GSN: variants seen among roughly 807,000 people sequenced by gnomAD.
GSN encodes actin-depolymerizing factor.
GSN carries 56 observed loss-of-function variants against 85.7 expected under a neutral mutation model. The ratio of observed to expected loss-of-function variants is 0.65; its 90% CI spans 0.53 to 0.82. The LOEUF (loss-of-function observed/expected upper bound fraction) is 0.82, where lower values mean the gene tolerates loss of function less well. GSN is among the 40% of genes least tolerant of loss of function. The pLI, the probability that GSN is intolerant of heterozygous loss-of-function variation, is 0.00. For missense variants in GSN, 857 were observed against 979.8 expected (o/e 0.87, Z 1.67); for synonymous variants, 373 against 399.1 (o/e 0.93, Z 0.78).
chr9:121,228,208 C>G (rs1051923341), intron 4 of GSN, among the ~76,000 whole-genome samples: 14 of 151,878 alleles, frequency 9.2e-5, no homozygotes, highest in African/African-American at 3.1e-4. Flanking sequence ...TCCTTCTGTC[C>G]CCAGCTCCTA....
intron 5 of GSN, among the ~76,000 whole-genome samples, chr9:121,232,060 C>CT (rs1257733920): frequency 6.6e-6 from 1 of 152,152 alleles, no homozygotes; most frequent in African/African-American, 2.4e-5. Flanking sequence ...GAGCGAGACT[C>CT]TGTCTCAAAT....
At chr9:121,303,645 C>T (rs1228869337) in intron 4 of GSN, among the ~76,000 whole-genome samples, 1 of 152,168 alleles carries the variant, frequency 6.6e-6, no homozygotes, top group African/African-American at 2.4e-5. Flanking sequence ...TGGTGACTTC[C>T]TGCAAGCCAC....
upstream of GSN, among the ~76,000 whole-genome samples, chr9:121,206,637 G>A (rs886226504): frequency 5.3e-5 from 8 of 151,950 alleles, no homozygotes; most frequent in South Asian, 4.2e-4. Context: ...GCACCCTACC[G>A]GAGACTCATT....
intron 11 of GSN, among the ~76,000 whole-genome samples, chr9:121,324,126 T>C (rs2062851703): frequency 6.6e-6 from 1 of 152,190 alleles, no homozygotes; most frequent in Non-Finnish European, 1.5e-5. Context: ...TCTGCACGTG[T>C]TCATGGGAGG....
chr9:121,301,430 C>G (rs1014922211), intron 2 of GSN, among the ~76,000 whole-genome samples: 1 of 152,050 alleles, frequency 6.6e-6, no homozygotes, highest in East Asian at 1.9e-4. Context: ...AGTTCCAGAC[C>G]AGCCTGACCA....
intron 4 of GSN, among the ~76,000 whole-genome samples, chr9:121,219,750 T>C (rs921518235): frequency 1.3e-5 from 2 of 152,188 alleles, no homozygotes; most frequent in Non-Finnish European, 1.5e-5. Flanking sequence ...TGAGAAATCT[T>C]CACATTTTTC....
At chr9:121,287,794 GT>G (rs1824536321) in intron 2 of GSN, among the ~76,000 whole-genome samples, 1 of 151,306 alleles carries the variant, frequency 6.6e-6, no homozygotes, top group Non-Finnish European at 1.5e-5. Flanking sequence ...ATTCAATAAT[GT>G]TTAGTACATT....
chr9:121,234,416 G>A (rs1169177250), intron 5 of GSN, among the ~76,000 whole-genome samples: 1 of 152,178 alleles, frequency 6.6e-6, no homozygotes, highest in African/African-American at 2.4e-5. Flanking sequence ...TTCCGGAGGG[G>A]AGCAAGCAGT....
chr9:121,240,491 G>A (rs114220179), intron 5 of GSN, among the ~76,000 whole-genome samples: 4,240 of 152,280 alleles, frequency 0.028, 205 homozygotes, highest in African/African-American at 0.097. Context: ...ATCAGGCCTC[G>A]GGAGAGGCAA....
At chr9:121,212,970 T>C (rs1460665903) in intron 4 of GSN, among the ~76,000 whole-genome samples, 1 of 152,076 alleles carries the variant, frequency 6.6e-6, no homozygotes, top group Non-Finnish European at 1.5e-5. Context: ...CAAAGATCTT[T>C]TTCCCGTCCA....
At chr9:121,248,218 T>C (rs1432769314) in intron 5 of GSN, 1 of 152,164 alleles carries the variant, frequency 6.6e-6, no homozygotes, top group Non-Finnish European at 1.5e-5. Context: ...TCTCACTCTG[T>C]TGCCCAGGCT....
Position 121,318,665 on chromosome 9 carries a change from G to A in GSN, c.976G>A (p.Val326Ile). The change falls in exon 10 of 18, where the codon GTC (valine) becomes ATC (isoleucine). Residue 326 changes from valine to isoleucine, a missense_variant and splice_region_variant. Coordinates refer to ENST00000432226, the MANE Select transcript of GSN (RefSeq NM_198252.3). This position sits in a 1 kb window ranked among gnomAD's most constrained non-coding sequence, Gnocchi z 4.3. ...CTGCTCCTCTGCCTCCCCTCCCCAG[G>A]TCTCGGTCCTTCCTGAGGGCGGTGA... ...TKMDYPKQTQ[V>I]SVLPEGGETP... 6.2e-7 allele frequency: 1 copy of A among 1,611,194 alleles called. No individual in the cohort carries two copies. The highest frequency in any genetic ancestry group is 8.5e-7 in the Non-Finnish European group (1 of 1,177,298).
intron 6 of GSN, among the ~76,000 whole-genome samples, chr9:121,250,657 G>C (rs10818519): frequency 0.38 from 57,449 of 151,016 alleles, 13,549 homozygotes; most frequent in East Asian, 0.62. Flanking sequence ...CCTACCTTAG[G>C]CTCCCAAGTA....
Position 121,302,907 on chromosome 9 carries a change from G to C in GSN, c.197-4G>C, listed in dbSNP as rs375172023. On this transcript the variant is annotated splice_polypyrimidine_tract_variant and splice_region_variant and intron_variant, in intron 3 of 17. Transcript: ENST00000432226. Reference sequence around the variant, plus strand: ...CAGGCTCATATTGCTCTGATGTCCCGTAGGCAATGAGTGCAGCCAGGATGA... The same window carrying C: ...CAGGCTCATATTGCTCTGATGTCCCCTAGGCAATGAGTGCAGCCAGGATGA... 1.9e-6 allele frequency: 3 copies of C among 1,613,510 alleles called. No homozygotes were observed. The South Asian group carries it at 3.3e-5, about 18-fold the overall frequency.
At chr9:121,330,966 A>G (rs1307677559) in intron 16 of GSN, among the ~76,000 whole-genome samples, 9 of 152,202 alleles carry the variant, frequency 5.9e-5, no homozygotes. Context: ...CTGGTTGGCA[A>G]TGTTAGCGAA....
intron 6 of GSN, among the ~76,000 whole-genome samples, chr9:121,256,836 C>G (rs1241111451): frequency 6.6e-6 from 1 of 151,976 alleles, no homozygotes; most frequent in East Asian, 1.9e-4. Context: ...CTGCAGTGAG[C>G]CAAGATCGTG....
chr9:121,267,901 T>G (rs10818524), upstream of GSN, among the ~76,000 whole-genome samples: 1 of 152,088 alleles, frequency 6.6e-6, no homozygotes, highest in East Asian at 1.9e-4. Context: ...ACCCTAGGCC[T>G]CTTCAGATCT....
At chr9:121,302,807 C>A in intron 3 of GSN, 104 bp from the exon 4 acceptor site, 1 of 1,123,202 alleles carries the variant, frequency 8.9e-7, no homozygotes, top group Non-Finnish European at 1.3e-6. Flanking sequence ...TCAGCTTCTA[C>A]AGCTAGGTCA....
chr9:121,224,044 A>G (rs1198478085), intron 4 of GSN, among the ~76,000 whole-genome samples: 2 of 151,940 alleles, frequency 1.3e-5, no homozygotes, highest in African/African-American at 4.8e-5. Flanking sequence ...AGTATTTGCC[A>G]GTCTGATAGG....
Sources: allele counts gnomAD v4.1 joint callset (sites outside exome capture counted in the v4.1 genomes callset), GRCh38; gene constraint gnomAD v4.1.1; non-coding constraint Gnocchi (gnomAD v3.1); transcripts MANE v1.5; gene names NCBI Gene and HGNC (gene_info 2026-07-23, HGNC 2026-07-21).